ADAMTSL1: variants seen among roughly 807,000 people sequenced by gnomAD.
ADAMTSL1 encodes ADAMTS like 1.
ADAMTSL1 carries 126 observed loss-of-function variants against 201.8 expected under a neutral mutation model. The observed-to-expected ratio is 0.62, with a 90% CI of 0.54 to 0.72. The LOEUF is 0.72. Ranked by LOEUF, ADAMTSL1 falls within the 30% of genes least tolerant of loss-of-function variation. The pLI, the probability that ADAMTSL1 is intolerant of heterozygous loss-of-function variation, is 0.00. For missense variants in ADAMTSL1, 2,679 were observed against 2,277.8 expected, an observed-to-expected ratio of 1.18 and a Z score of -3.59; for synonymous variants, 1,121 against 903.4, an observed-to-expected ratio of 1.24 and a Z score of -4.32.
rs891299968 is a variant in ADAMTSL1, at chr9:18,887,585, G to A, written c.4250-246G>A. Reference sequence around the variant, plus strand: ...TAAAGTTAGTATAGGGACATAAACAGAAAGAAACAGGTACTTTTGTTATCC... The same window carrying A: ...TAAAGTTAGTATAGGGACATAAACAAAAAGAAACAGGTACTTTTGTTATCC... On this transcript the variant is annotated intron_variant, in intron 23 of 28. Transcript: ENST00000380548. Among the ~76,000 whole-genome samples, 89 of 152,224 alleles carry A rather than the reference G, an allele frequency of 5.8e-4. 1 individual carries two copies. Among genetic ancestry groups the A allele is most frequent in the Middle Eastern group, 6.8e-3 (2 of 294 alleles).
chr9:18,254,272 C>T (rs1386740554), intron 2 of ADAMTSL1, among the ~76,000 whole-genome samples: 3 of 146,022 alleles, frequency 2.1e-5, no homozygotes, highest in East Asian at 2.1e-4. Flanking sequence ...CATTTACGGA[C>T]GGGTGGCCAC....
intron 20 of ADAMTSL1, among the ~76,000 whole-genome samples, chr9:18,809,264 C>T (rs1025609395): frequency 1.3e-5 from 2 of 152,188 alleles, no homozygotes; most frequent in African/African-American, 4.8e-5. Flanking sequence ...TAGAAAAGGC[C>T]TCACTAGGAG....
chr9:18,761,396 T>C (rs1820064392), intron 16 of ADAMTSL1, among the ~76,000 whole-genome samples: 1 of 152,202 alleles, frequency 6.6e-6, no homozygotes. Flanking sequence ...TTGTGTATTT[T>C]TTACTTTTCT....
chr9:18,189,283 T>C (rs1466808485), intron 2 of ADAMTSL1, among the ~76,000 whole-genome samples: 1 of 152,132 alleles, frequency 6.6e-6, no homozygotes, highest in African/African-American at 2.4e-5. Context: ...TGGCTGTGGA[T>C]AGTCACACTG....
At chr9:18,736,539 C>T (rs539571958) in intron 15 of ADAMTSL1, among the ~76,000 whole-genome samples, 3 of 152,200 alleles carry the variant, frequency 2.0e-5, no homozygotes, top group Non-Finnish European at 2.9e-5. Flanking sequence ...CTCCCTTGAT[C>T]TAGAAAAGAA....
chr9:18,858,421 C>A (rs184865233), intron 23 of ADAMTSL1, among the ~76,000 whole-genome samples: 2 of 152,212 alleles, frequency 1.3e-5, no homozygotes, highest in Admixed American at 1.3e-4. Flanking sequence ...TGGACTACCA[C>A]GGCTCCCTGT....
intron 14 of ADAMTSL1, among the ~76,000 whole-genome samples, chr9:18,708,790 T>A (rs547927): frequency 6.6e-6 from 1 of 152,208 alleles, no homozygotes; most frequent in Non-Finnish European, 1.5e-5. Flanking sequence ...AAGCCTGGAA[T>A]TTTATGAACA....
At chr9:18,202,399 C>T (rs932707912) in intron 2 of ADAMTSL1, among the ~76,000 whole-genome samples, 3 of 152,206 alleles carry the variant, frequency 2.0e-5, no homozygotes, top group African/African-American at 7.2e-5. Flanking sequence ...AATGTTCTTT[C>T]AATACGTGTG....
rs188496498 is a variant in ADAMTSL1, at chr9:18,688,496, G to A, written c.1574+3696G>A. On this transcript the variant is annotated intron_variant, in intron 13 of 28. Coordinates refer to ENST00000380548, the MANE Select transcript of ADAMTSL1 (RefSeq NM_001040272.6). ...AGCCTGGGCAACATAGCAAGACCTC[G>A]TCTCTACTAAAACTCAGAAAACTTA... Among the ~76,000 whole-genome samples, 495 of 148,252 alleles carry A rather than the reference G, an allele frequency of 3.3e-3. 1 individual carries two copies. The highest frequency in any genetic ancestry group is 5.2e-3 in the Admixed American group (77 of 14,800).
intron 15 of ADAMTSL1, among the ~76,000 whole-genome samples, chr9:18,742,723 T>A (rs1356062428): frequency 6.6e-6 from 1 of 151,700 alleles, no homozygotes; most frequent in Non-Finnish European, 1.5e-5. Flanking sequence ...TGGCAGAAAC[T>A]CACTCTGTAT....
chr9:18,078,072 G>A (rs1823312416), intron 1 of ADAMTSL1, among the ~76,000 whole-genome samples: 1 of 152,198 alleles, frequency 6.6e-6, no homozygotes, highest in African/African-American at 2.4e-5. Context: ...GGAGAATAGT[G>A]AGCAAACAAG....
chr9:18,448,269 G>C (rs1244825652), intron 2 of ADAMTSL1, among the ~76,000 whole-genome samples: 1 of 152,160 alleles, frequency 6.6e-6, no homozygotes, highest in Non-Finnish European at 1.5e-5. Context: ...TCAAGGTTCT[G>C]CTGCCAGCCA....
chr9:18,330,675 G>C (rs1302764003), intron 2 of ADAMTSL1, among the ~76,000 whole-genome samples: 1 of 152,116 alleles, frequency 6.6e-6, no homozygotes, highest in African/African-American at 2.4e-5. Context: ...GTAGAAAGTG[G>C]CAAAACTGGG....
chr9:18,232,131 T>C (rs1158057655), intron 2 of ADAMTSL1, among the ~76,000 whole-genome samples: 3 of 152,162 alleles, frequency 2.0e-5, no homozygotes, highest in Non-Finnish European at 4.4e-5. Context: ...CCATCTCCTA[T>C]TTACGCACTG....
intron 1 of ADAMTSL1, among the ~76,000 whole-genome samples, chr9:18,064,561 A>G (rs1037795244): frequency 2.0e-5 from 3 of 152,174 alleles, no homozygotes; most frequent in Non-Finnish European, 2.9e-5. Flanking sequence ...TGATTTGGGT[A>G]TAAGGTGTTT....
At chr9:18,078,905 C>G (rs1823347665) in intron 1 of ADAMTSL1, among the ~76,000 whole-genome samples, 1 of 152,170 alleles carries the variant, frequency 6.6e-6, no homozygotes, top group Non-Finnish European at 1.5e-5. Flanking sequence ...TGCCTTTGCT[C>G]TTAGGAATTA....
intron 2 of ADAMTSL1, among the ~76,000 whole-genome samples, chr9:18,464,990 C>A (rs1393774402): frequency 6.6e-6 from 1 of 152,156 alleles, no homozygotes; most frequent in African/African-American, 2.4e-5. Context: ...ACATAATAAT[C>A]AACAACATAT....
intron 4 of ADAMTSL1, among the ~76,000 whole-genome samples, chr9:18,601,908 T>TA (rs1397392213): frequency 6.6e-6 from 1 of 152,124 alleles, no homozygotes; most frequent in Admixed American, 6.6e-5. Context: ...TTAGAACTTT[T>TA]AAAAATGACA....
chr9:18,854,966 C>T (rs1190672186), intron 23 of ADAMTSL1, among the ~76,000 whole-genome samples: 1 of 152,156 alleles, frequency 6.6e-6, no homozygotes, highest in African/African-American at 2.4e-5. Flanking sequence ...GGGTAAGTCT[C>T]AGGGTGAGGT....
Sources: gnomAD v4.1 joint callset for allele counts (sites outside exome capture counted in the v4.1 genomes callset) on GRCh38, gnomAD v4.1.1 for gene constraint, MANE v1.5 for transcripts, NCBI Gene and HGNC (gene_info 2026-07-23, HGNC 2026-07-21) for gene names.